FANCA: variants seen among roughly 807,000 people sequenced by gnomAD.
The protein encoded by FANCA is FA complementation group A.
In FANCA, 236 loss-of-function variants were observed where a neutral mutation model predicts 194.3. That is an observed-to-expected ratio of 1.21 (90% CI 1.09 to 1.35). The LOEUF (loss-of-function observed/expected upper bound fraction) is 1.35. FANCA is among the 40% of genes most tolerant of loss of function. The pLI is 0.00. For synonymous variants in FANCA, 1,014 were observed against 715.8 expected, an observed-to-expected ratio of 1.42 and a Z score of -6.65; for missense variants, 2,628 against 1,813.9, an observed-to-expected ratio of 1.45 and a Z score of -8.15.
chr16:89,810,412 C>T (rs1159591331), intron 5 of FANCA, among the ~76,000 whole-genome samples: 1 of 151,488 alleles, frequency 6.6e-6, no homozygotes, highest in Non-Finnish European at 1.5e-5. Context: ...TAATAGTTTA[C>T]TATACTACCC....
Position 89,796,509 on chromosome 16 carries a change from A to G in FANCA, c.894-491T>C, listed in dbSNP as rs2040253445. ...CTCTGTCCATGAAGATGAGGAAGGA[A>G]TGGAAGGGACTAAGGTTTCCTGGGC... On this transcript the variant is annotated intron_variant, in intron 10 of 42. Transcript: ENST00000389301. 4.6e-5 allele frequency among the ~76,000 whole-genome samples: 7 copies of G among 152,164 alleles called. No individual in the cohort carries two copies. The South Asian group carries it at 1.4e-3, about 32-fold the overall frequency.
chr16:89,808,934 C>A (rs1176697309), intron 5 of FANCA, among the ~76,000 whole-genome samples: 1 of 151,402 alleles, frequency 6.6e-6, no homozygotes, highest in Non-Finnish European at 1.5e-5. Context: ...GAGACAGAGT[C>A]GCGCTCTGTC....
In FANCA at chr16:89,769,872, G is replaced by T; in HGVS notation, c.2469C>A (p.Thr823=). The T allele has an allele frequency of 3.1e-6, 5 of 1,614,140 alleles. No homozygotes were observed. Among genetic ancestry groups the T allele is most frequent in the East Asian group, 2.2e-5 (1 of 44,872 alleles). ...PVPALFDSLL[T]CRTRDSLFFC... is the part of the protein sequence containing the mutation. The stretch of plus-strand genomic sequence containing the variant: ...AGAACAAGGAATCCCTCGTCCTACA[G>T]GTCAGGAGGCTGTCAAAGAGCGCAG... Residue 823 remains threonine (T), a synonymous_variant, in exon 26 of 43, where the codon ACC becomes ACA. Transcript: ENST00000389301.
At position 89,805,447 on chromosome 16, in the gene FANCA, G is replaced by C. The variant is rs2143633131; in HGVS notation, c.597-55C>G. The stretch of plus-strand genomic sequence containing the variant: ...GCTCAACTAAATCCCATCATCAGGG[G>C]ATTGAGTTGAGCCATATGTCCCAAT... On this transcript the variant is annotated intron_variant, in intron 6 of 42. Coordinates refer to ENST00000389301, the MANE Select transcript of FANCA (RefSeq NM_000135.4). 2.1e-6 allele frequency: 3 copies of C among 1,431,962 alleles called. No homozygotes were observed. In the East Asian group the frequency reaches 6.9e-5, roughly 33 times the overall value. 88.7% of individuals were successfully genotyped at this position (1,431,962 alleles called of 1,614,324 possible).
chr16:89,792,658 G>GA, intron 11 of FANCA, 111 bp from the exon 12 acceptor site: 1 of 828,926 alleles, frequency 1.2e-6, no homozygotes, highest in Non-Finnish European at 2.0e-6. Flanking sequence ...GTGCGGCGAC[G>GA]AGAGAGTGTA....
intron 39 of FANCA, 136 bp downstream of exon 39, chr16:89,739,858 A>G: frequency 6.5e-7 from 1 of 1,531,014 alleles, no homozygotes; most frequent in Non-Finnish European, 8.8e-7. Flanking sequence ...GTTTGTGCTT[A>G]ATCTGTCCCA....
intron 28 of FANCA, chr16:89,762,918 C>T (rs960009688): frequency 1.0e-4 from 18 of 174,836 alleles, no homozygotes; most frequent in Admixed American, 7.9e-4. Context: ...CTAGCTAACA[C>T]GGTGAAACCC....
intron 38 of FANCA, chr16:89,740,374 T>G (rs1019851976): frequency 3.9e-6 from 2 of 513,250 alleles, no homozygotes; most frequent in Non-Finnish European, 7.1e-6. Context: ...ATGCAGTGGC[T>G]CATGCCTGTA....
intron 10 of FANCA, 139 bp downstream of exon 10, chr16:89,799,027 C>T: frequency 6.2e-7 from 1 of 1,614,264 alleles, no homozygotes; most frequent in Non-Finnish European, 8.5e-7. Flanking sequence ...CCTCCTCACG[C>T]ACGTTATCGT....
At position 89,773,385 on chromosome 16, in the gene FANCA, C is replaced by A. The variant is rs1485075318; in HGVS notation, c.1901-1G>T. The A allele has an allele frequency of 6.5e-7, 1 of 1,549,156 alleles. No homozygotes were observed. The highest frequency in any genetic ancestry group is 8.7e-7 in the Non-Finnish European group (1 of 1,144,908). ...TCTGCCCTCACTCCCAGGGCTGCAT[C>A]TGTGAGAAGAAGGAAGAAACCAGAT... On this transcript the variant is annotated splice_acceptor_variant, in intron 21 of 42. Coordinates refer to ENST00000389301, the MANE Select transcript of FANCA (RefSeq NM_000135.4). LOFTEE classifies it high-confidence loss of function.
At chr16:89,783,676 A>G (rs1361740753) in intron 15 of FANCA, among the ~76,000 whole-genome samples, 1 of 152,192 alleles carries the variant, frequency 6.6e-6, no homozygotes, top group Non-Finnish European at 1.5e-5. Context: ...AGGGATGTGC[A>G]ATCCTAGCAG....
chr16:89,780,700 G>A (rs914707778), intron 17 of FANCA, among the ~76,000 whole-genome samples: 11 of 151,552 alleles, frequency 7.3e-5, no homozygotes, highest in African/African-American at 2.4e-4. Context: ...GGGCCAAGGC[G>A]GAAGGATCAC....
rs756913331 is a variant in FANCA at position 89,784,935 on chromosome 16, A to G, written c.1389T>C (p.His463=). 3.1e-6 allele frequency: 5 copies of G among 1,614,152 alleles called. No individual in the cohort carries two copies. Among genetic ancestry groups the G allele is most frequent in the South Asian group, 1.1e-5 (1 of 91,086 alleles). The change falls in exon 15 of 43, where the codon CAT becomes CAC. Residue 463 remains histidine (H), a synonymous_variant. Transcript: ENST00000389301. ...AGACCAGGGCCTTCTTGCTGCAGCC[A>G]TGGTAGCCTCGTGTGCTCCCAAAGG... ...KASFGSTRGY[H]GCSKKALVFL...
Position 89,762,031 on chromosome 16 carries a change from G to C in FANCA, c.2779-9C>G, listed in dbSNP as rs764825402. 4 of 1,609,002 alleles carry C rather than the reference G, an allele frequency of 2.5e-6. No homozygotes were observed. Among genetic ancestry groups the C allele is most frequent in the African/African-American group, 1.3e-5 (1 of 74,852 alleles). ...CAGTCTTGGTAAGTTAACTGAGAAA[G>C]AGAGCAAGCAATTCAATACAATGAG... On this transcript the variant is annotated splice_polypyrimidine_tract_variant and intron_variant, in intron 28 of 42. Coordinates refer to ENST00000389301, the MANE Select transcript of FANCA (RefSeq NM_000135.4).
At chr16:89,789,370 G>C (rs2039996583) in intron 14 of FANCA, among the ~76,000 whole-genome samples, 1 of 151,612 alleles carries the variant, frequency 6.6e-6, no homozygotes, top group African/African-American at 2.4e-5. Flanking sequence ...GAAAATTTCA[G>C]GGAGCTGAGA....
intron 8 of FANCA, among the ~76,000 whole-genome samples, chr16:89,801,078 G>A (rs1012440905): frequency 1.3e-4 from 19 of 148,584 alleles, no homozygotes; most frequent in African/African-American, 4.5e-4. Flanking sequence ...AGGCACGGTA[G>A]CCCACGCCTA....
intron 33 of FANCA, among the ~76,000 whole-genome samples, chr16:89,747,718 A>G (rs1467278644): frequency 6.6e-6 from 1 of 152,032 alleles, no homozygotes; most frequent in Non-Finnish European, 1.5e-5. Context: ...AAATAAATAA[A>G]TAAATAAATA....
intron 30 of FANCA, among the ~76,000 whole-genome samples, chr16:89,758,087 C>T (rs1278245061): frequency 2.0e-5 from 3 of 152,024 alleles, no homozygotes; most frequent in African/African-American, 7.2e-5. Context: ...TAACTCCTGA[C>T]CTGAGGTAAT....
intron 7 of FANCA, among the ~76,000 whole-genome samples, chr16:89,803,905 C>A (rs988262258): frequency 2.6e-5 from 4 of 152,114 alleles, no homozygotes; most frequent in Non-Finnish European, 5.9e-5. Flanking sequence ...TGGCATGAGT[C>A]ACCCCACCCA....
Sources: allele counts gnomAD v4.1 joint callset (sites outside exome capture counted in the v4.1 genomes callset), GRCh38; gene constraint gnomAD v4.1.1; transcripts MANE v1.5; gene names NCBI Gene and HGNC (gene_info 2026-07-23, HGNC 2026-07-21).